Variants in LUZP1 observed in about 807,000 individuals in gnomAD.
LUZP1 encodes leucine zipper protein 1.
A neutral mutation model predicts 71.3 loss-of-function variants in LUZP1; 25 were observed. The ratio of observed to expected loss-of-function variants is 0.35; its 90% CI spans 0.26 to 0.49. The LOEUF is 0.49. LUZP1 is among the 20% of genes least tolerant of loss of function. The pLI, the probability that LUZP1 is intolerant of heterozygous loss-of-function variation, is 0.99. For synonymous variants in LUZP1, 481 were observed against 506.4 expected (o/e 0.95, Z 0.67); for missense variants, 1,142 against 1,300.8 (o/e 0.88, Z 1.88).
At chr1:23,145,890 A>AT (rs1644339211) in intron 2 of LUZP1, among the ~76,000 whole-genome samples, 1 of 152,206 alleles carries the variant, frequency 6.6e-6, no homozygotes, top group African/African-American at 2.4e-5. Context: ...GAGTCAATAA[A>AT]TTTGAGTATA....
intron 2 of LUZP1, among the ~76,000 whole-genome samples, chr1:23,125,019 C>T (rs773472018): frequency 5.3e-5 from 8 of 152,148 alleles, no homozygotes; most frequent in Admixed American, 1.3e-4. Flanking sequence ...ATAAATCAAG[C>T]TTGAATTGCA....
chr1:23,148,310 A>T (rs1465424776), intron 2 of LUZP1, among the ~76,000 whole-genome samples: 1 of 152,132 alleles, frequency 6.6e-6, no homozygotes, highest in Non-Finnish European at 1.5e-5. Flanking sequence ...CAAATCTCCC[A>T]AGGTTAAAAA....
intron 3 of LUZP1, among the ~76,000 whole-genome samples, chr1:23,099,147 TTA>T (rs779717633): frequency 2.0e-5 from 3 of 152,346 alleles, no homozygotes; most frequent in African/African-American, 4.8e-5. Flanking sequence ...CTCCTATAGT[TTA>T]TGTTTTTAAA....
At chr1:23,159,845 GC>G (rs1249315499) in intron 2 of LUZP1, among the ~76,000 whole-genome samples, 1 of 152,144 alleles carries the variant, frequency 6.6e-6, no homozygotes, top group African/African-American at 2.4e-5. Flanking sequence ...AATGAGCTGG[GC>G]ATGGTGGCAT....
At chr1:23,102,719 G>A (rs1001264086) in intron 3 of LUZP1, among the ~76,000 whole-genome samples, 5 of 152,046 alleles carry the variant, frequency 3.3e-5, no homozygotes, top group Non-Finnish European at 5.9e-5. Context: ...CAGCACTTTG[G>A]TAAGATGAGC....
At chr1:23,122,189 G>T (rs1237705208) in intron 2 of LUZP1, among the ~76,000 whole-genome samples, 1 of 152,140 alleles carries the variant, frequency 6.6e-6, no homozygotes, top group East Asian at 1.9e-4. Flanking sequence ...ATAAAGTTGT[G>T]CTGAATGAAT....
At chr1:23,158,043 A>G (rs1263052607) in intron 2 of LUZP1, among the ~76,000 whole-genome samples, 1 of 152,106 alleles carries the variant, frequency 6.6e-6, no homozygotes, top group African/African-American at 2.4e-5. Flanking sequence ...AATACCTTAC[A>G]GTTGCCCCAG....
chr1:23,138,194 G>A (rs1343833432), intron 2 of LUZP1, among the ~76,000 whole-genome samples: 4 of 151,962 alleles, frequency 2.6e-5, no homozygotes, highest in South Asian at 2.1e-4. Context: ...GGCTGGTCTC[G>A]AACTCCTGAG....
exon 4 of LUZP1, chr1:23,091,910 G>A: frequency 6.2e-7 from 1 of 1,614,206 alleles, no homozygotes; most frequent in Non-Finnish European, 8.5e-7. Context: ...CTGGTTTGGA[G>A]ACGGGTTTCT....
At position 23,138,685 on chromosome 1, in the gene LUZP1, GTGTGTGTGTGTGTATATATA is replaced by G. The variant is rs1334986066; in HGVS notation, c.-225-29578_-225-29559del. On this transcript the variant is annotated intron_variant, in intron 2 of 4. Coordinates refer to ENST00000302291, the Ensembl canonical transcript of LUZP1. Reference sequence around the variant, plus strand: ...TGTTTGTGTGTGTGTGTGTGTGTGTGTGTGTGTGTGTGTATATATATATATATATAAATGAGGCCAGGCAC... The same window carrying G: ...TGTTTGTGTGTGTGTGTGTGTGTGTGTATATATATAAATGAGGCCAGGCAC... Among the ~76,000 whole-genome samples the G allele has an allele frequency of 3.8e-5, 4 of 105,566 alleles. No individual in the cohort carries two copies. The East Asian group carries it at 6.9e-4, about 18-fold the overall frequency. 69.3% of individuals were successfully genotyped at this position (105,566 alleles called of 152,430 possible). A position where few individuals can be genotyped will look rare whatever the true frequency, so the allele number is the denominator to read the frequency against.
chr1:23,124,766 G>A (rs904294090), intron 2 of LUZP1, among the ~76,000 whole-genome samples: 46 of 152,244 alleles, frequency 3.0e-4, no homozygotes, highest in African/African-American at 1.0e-3. Context: ...TGGCTCCACT[G>A]AAGGAATCCA....
rs1643884811 is a variant in LUZP1 at position 23,094,916 on chromosome 1, T to A, written c.-119-536A>T. ...AATTAACCCTCTGCCTTGCTATAAA[T>A]GGTGAGCTTCACAATATACTAAAAC... On this transcript the variant is annotated intron_variant, in intron 3 of 4. Coordinates refer to ENST00000302291, the Ensembl canonical transcript of LUZP1. This position sits in a 1 kb window ranked among gnomAD's most constrained non-coding sequence, Gnocchi z 4.7. Among the ~76,000 whole-genome samples the A allele has an allele frequency of 6.6e-6, 1 of 152,338 alleles. No homozygotes were observed. The highest frequency in any genetic ancestry group is 1.9e-4 in the East Asian group (1 of 5,186).
In LUZP1 at chr1:23,143,151, G is replaced by C. The variant is rs867794406; in HGVS notation, c.-226+25615C>G. On this transcript the variant is annotated intron_variant, in intron 2 of 4. Transcript: ENST00000302291. ...AGCCTCCAGGGTAGCTGGGATTTCA[G>C]GTACCTGCCACCAAGCCCAGCTAAT... Among the ~76,000 whole-genome samples, 46 of 152,164 alleles carry C rather than the reference G, an allele frequency of 3.0e-4. No individual in the cohort carries two copies. The Middle Eastern group carries it at 0.01, about 34-fold the overall frequency.
intron 1 of LUZP1, among the ~76,000 whole-genome samples, chr1:23,173,011 C>T (rs1478868887): frequency 8.0e-5 from 12 of 150,114 alleles, no homozygotes; most frequent in South Asian, 2.1e-4. Flanking sequence ...TTAGTAGAGA[C>T]GGGGTTTCAC....
At chr1:23,152,450 T>A (rs963384193) in intron 2 of LUZP1, among the ~76,000 whole-genome samples, 1 of 152,132 alleles carries the variant, frequency 6.6e-6, no homozygotes, top group Admixed American at 6.5e-5. Context: ...CACAGAGAAT[T>A]TGAGGGCAAA....
At chr1:23,144,118 C>T (rs556552400) in intron 2 of LUZP1, among the ~76,000 whole-genome samples, 8 of 152,164 alleles carry the variant, frequency 5.3e-5, no homozygotes, top group Non-Finnish European at 1.2e-4. Flanking sequence ...TAAGGGAAGG[C>T]TACAGCCAGA....
rs558612284 is a variant in LUZP1, at chr1:23,149,833, G to A, written c.-226+18933C>T. On this transcript the variant is annotated intron_variant, in intron 2 of 4. Coordinates refer to ENST00000302291, the Ensembl canonical transcript of LUZP1. ...AAAAATTAGCTGGGTGTGGTGGCACGCGCCTGTAATCCCAGCTACTCGGGA... is the reference window on the plus strand; with the variant it reads ...AAAAATTAGCTGGGTGTGGTGGCACACGCCTGTAATCCCAGCTACTCGGGA... Among the ~76,000 whole-genome samples the A allele has an allele frequency of 3.3e-5, 5 of 151,826 alleles. No individual in the cohort carries two copies. The East Asian group carries it at 5.8e-4, about 18-fold the overall frequency.
At chr1:23,087,284 C>T (rs1167782071) in exon 5 of LUZP1, 1 of 152,182 alleles carries the variant, frequency 6.6e-6, no homozygotes, top group Non-Finnish European at 1.5e-5. Context: ...AACTAAAAAA[C>T]AAGGCCCAGA....
intron 2 of LUZP1, among the ~76,000 whole-genome samples, chr1:23,119,044 G>A (rs1351997283): frequency 2.0e-5 from 3 of 152,250 alleles, no homozygotes; most frequent in South Asian, 2.1e-4. Flanking sequence ...GTTGTCCTAT[G>A]TTGTTTTATA....
Sources: gnomAD v4.1 joint callset for allele counts (sites outside exome capture counted in the v4.1 genomes callset) on GRCh38, gnomAD v4.1.1 for gene constraint, Gnocchi (gnomAD v3.1) non-coding constraint, MANE v1.5 for transcripts, NCBI Gene and HGNC (gene_info 2026-07-23, HGNC 2026-07-21) for gene names.